The following OSGIN2 variants were observed in gnomAD, a reference collection of about 807,000 sequenced individuals.
OSGIN2 encodes the protein oxidative stress induced growth inhibitor family member 2.
A neutral mutation model predicts 53.8 loss-of-function variants in OSGIN2; 19 were observed. The observed-to-expected ratio is 0.35, with a 90% confidence interval of 0.25 to 0.52. OSGIN2 has a LOEUF of 0.52. Among genes scored for constraint, OSGIN2 ranks in the 20% least tolerant of loss-of-function variants. The pLI, the probability that OSGIN2 is intolerant of heterozygous loss-of-function variation, is 0.95. For synonymous variants in OSGIN2, 236 were observed against 236.0 expected (o/e 1.00, Z 0.00); for missense variants, 520 against 662.7 (o/e 0.78, Z 2.36).
chr8:89,914,529 ACT>A (rs1809037467), intron 3 of OSGIN2, 24 bp from the exon 4 acceptor site: 8 of 1,584,580 alleles, frequency 5.0e-6, no homozygotes, highest in Admixed American at 1.7e-5. Flanking sequence ...CTTTTTTCAA[ACT>A]CTGTCTCCCT....
intron 1 of OSGIN2, among the ~76,000 whole-genome samples, chr8:89,909,037 AAT>A (rs1252373741): frequency 6.5e-4 from 55 of 84,900 alleles, no homozygotes; most frequent in Non-Finnish European, 8.6e-4. Flanking sequence ...AAAAAAAAAA[AAT>A]ATATATATAT....
chr8:89,915,183 T>A lies in OSGIN2; in HGVS notation c.528+437T>A, dbSNP rs528195095. ...CGATAACAAAATGCCATAGAATTGATGGCTTAAACAACATATTTATTTCTC... is the reference window on the plus strand; with the variant it reads ...CGATAACAAAATGCCATAGAATTGAAGGCTTAAACAACATATTTATTTCTC... On this transcript the variant is annotated intron_variant, in intron 4 of 5. Coordinates refer to ENST00000451899, the MANE Select transcript of OSGIN2 (RefSeq NM_001126111.3). Among the ~76,000 whole-genome samples, 107 of 152,352 alleles carry A rather than the reference T, an allele frequency of 7.0e-4. 1 individual carries two copies. The highest frequency in any genetic ancestry group is 9.8e-4 in the Non-Finnish European group (67 of 68,034).
At chr8:89,921,031 G>A (rs1331408055) in intron 4 of OSGIN2, 49 bp from the exon 5 acceptor site, 8 of 1,117,682 alleles carry the variant, frequency 7.2e-6, no homozygotes, top group Non-Finnish European at 1.1e-5. Context: ...AAAAAACCAT[G>A]TTACTTCTTG....
chr8:89,925,719 G>C lies in OSGIN2; in HGVS notation c.*187G>C, dbSNP rs1022993548. On this transcript the variant is annotated 3_prime_UTR_variant, in exon 6 of 6. Transcript: ENST00000451899. ...ATTTATATTGCAGTGTTTCAAAGGT[G>C]TCACTGTCAGACAAATAGAAACACT... 5.9e-6 allele frequency: 3 copies of C among 506,670 alleles called. No individual in the cohort carries two copies. Among genetic ancestry groups the C allele is most frequent in the Non-Finnish European group, 1.0e-5 (3 of 286,416 alleles). 31.4% of individuals were successfully genotyped at this position (506,670 alleles called of 1,614,324 possible).
intron 1 of OSGIN2, among the ~76,000 whole-genome samples, chr8:89,904,490 A>G (rs915015140): frequency 6.6e-6 from 1 of 152,036 alleles, no homozygotes; most frequent in Non-Finnish European, 1.5e-5. Flanking sequence ...AATAAACCAC[A>G]CTTTTTATTG....
Position 89,925,490 on chromosome 8 carries a change from G to C in OSGIN2, c.1608G>C (p.Lys536Asn). The change falls in exon 6 of 6, where the codon AAG (lysine) becomes AAC (asparagine). Residue 536 changes from lysine to asparagine, a missense_variant. By Grantham distance (94) the Lys-to-Asn change is moderately conservative. Transcript: ENST00000451899. The stretch of plus-strand genomic sequence containing the variant: ...GTTTAGCTACAAGACAGAAGAAAAA[G>C]CATTTGTTTGTTGAAAGAGGAGGAG... ...TRCLATRQKK[K>N]HLFVERGGGD... is the part of the protein sequence containing the mutation. 6.2e-7 allele frequency: 1 copy of C among 1,613,998 alleles called. No homozygotes were observed. Among genetic ancestry groups the C allele is most frequent in the Non-Finnish European group, 8.5e-7 (1 of 1,179,904 alleles).
intron 1 of OSGIN2, among the ~76,000 whole-genome samples, chr8:89,908,260 T>TC (rs1281156133): frequency 6.6e-6 from 1 of 152,128 alleles, no homozygotes; most frequent in Non-Finnish European, 1.5e-5. Flanking sequence ...AGGAGGGGTT[T>TC]CCCTTAGTAG....
chr8:89,924,388 G>T, intron 5 of OSGIN2, 115 bp from the exon 6 acceptor site: 1 of 753,784 alleles, frequency 1.3e-6, no homozygotes, highest in Non-Finnish European at 2.2e-6. Context: ...ATAATGTATA[G>T]CTAAGACAGT....
In OSGIN2 at chr8:89,902,814, C is replaced by G; in HGVS notation, c.21C>G (p.Arg7=). 2 of 1,369,238 alleles carry G rather than the reference C, an allele frequency of 1.5e-6. No individual in the cohort carries two copies. The highest frequency in any genetic ancestry group is 1.8e-5 in the South Asian group (1 of 56,910). The allele number at this position is 1,369,238 out of a possible 1,614,324, so 84.8% of individuals were successfully genotyped here. A position where few individuals can be genotyped will look rare whatever the true frequency, so the allele number is the denominator to read the frequency against. Residue 7 remains arginine, a synonymous_variant, in exon 1 of 6, where the codon CGC becomes CGG. Coordinates refer to ENST00000451899, the MANE Select transcript of OSGIN2 (RefSeq NM_001126111.3). MPVWCC[R]CSLAGHFRNY... ...GCTCCATGCCCGTGTGGTGCTGCCGCTGCTCCCTGGCCGGTCATTTCAGGT... is the reference window on the plus strand; with the variant it reads ...GCTCCATGCCCGTGTGGTGCTGCCGGTGCTCCCTGGCCGGTCATTTCAGGT...
intron 1 of OSGIN2, 64 bp downstream of exon 1, chr8:89,902,901 C>G: frequency 8.3e-7 from 1 of 1,200,580 alleles, no homozygotes; most frequent in Non-Finnish European, 1.1e-6. Flanking sequence ...AGCTTTTTGG[C>G]CTGGCCCGGG....
At chr8:89,920,939 A>G (rs1809187334) in intron 4 of OSGIN2, 141 bp from the exon 5 acceptor site, 2 of 521,870 alleles carry the variant, frequency 3.8e-6, no homozygotes, top group Non-Finnish European at 6.8e-6. Flanking sequence ...AAGTTAGCCA[A>G]CCATTTAGGA....
chr8:89,909,631 A>G lies in OSGIN2; in HGVS notation c.109A>G (p.Asn37Asp), dbSNP rs1054744397. 4.3e-6 allele frequency: 7 copies of G among 1,610,782 alleles called. No homozygotes were observed. Among genetic ancestry groups the G allele is most frequent in the Non-Finnish European group, 5.9e-6 (7 of 1,177,724 alleles). ...FNSLVQYFGD[N>D]LGRKVKAMPL... is the part of the protein sequence containing the mutation. ...TTCCTTAGTGCAATACTTTGGTGAC[A>G]ACTTGGGGCGAAAAGTTAAAGCGAT... is the stretch of plus-strand genomic sequence containing the variant. The change falls in exon 2 of 6, where the codon AAC becomes GAC. Residue 37 changes from asparagine (N) to aspartate (D), a missense_variant. Physicochemically the swap from Asn to Asp is conservative, Grantham distance 23. Transcript: ENST00000451899.
intron 1 of OSGIN2, among the ~76,000 whole-genome samples, chr8:89,909,248 G>A: frequency 6.6e-6 from 1 of 151,582 alleles, no homozygotes; most frequent in South Asian, 2.1e-4. Flanking sequence ...CCATTTCTAG[G>A]CTAGTTTCAG....
At position 89,925,571 on chromosome 8, in the gene OSGIN2, T is replaced by A; in HGVS notation, c.*39T>A. 1 of 1,511,264 alleles carries A rather than the reference T, an allele frequency of 6.6e-7. No homozygotes were observed. The highest frequency in any genetic ancestry group is 9.0e-7 in the Non-Finnish European group (1 of 1,106,730). The allele number at this position is 1,511,264 out of a possible 1,614,324, so 93.6% of individuals were successfully genotyped here. Reference sequence around the variant, plus strand: ...GTAATTAAAATGGACAGTTTGCCATTAAAGATTTTTAATAGTGGTTTTGCA... The same window carrying A: ...GTAATTAAAATGGACAGTTTGCCATAAAAGATTTTTAATAGTGGTTTTGCA... On this transcript the variant is annotated 3_prime_UTR_variant, in exon 6 of 6. Coordinates refer to ENST00000451899, the MANE Select transcript of OSGIN2 (RefSeq NM_001126111.3).
At chr8:89,904,436 CAGAA>C (rs1246612111) in intron 1 of OSGIN2, among the ~76,000 whole-genome samples, 1 of 151,932 alleles carries the variant, frequency 6.6e-6, no homozygotes, top group Non-Finnish European at 1.5e-5. Flanking sequence ...TCTGGAGGGA[CAGAA>C]AGAAAAACAA....
chr8:89,912,154 CTAGGTTGGATTAAATTTTTGAA>C (rs1199158245), intron 2 of OSGIN2, among the ~76,000 whole-genome samples: 2 of 152,010 alleles, frequency 1.3e-5, no homozygotes, highest in Non-Finnish European at 2.9e-5. Flanking sequence ...TAGCAATTCT[CTAGGTTGGATTAAATTTTTGAA>C]AGGCAGATAT....
intron 4 of OSGIN2, among the ~76,000 whole-genome samples, chr8:89,917,773 TTC>T (rs1395086855): frequency 2.0e-5 from 3 of 152,244 alleles, no homozygotes; most frequent in Admixed American, 6.5e-5. Flanking sequence ...TTGATGCAAA[TTC>T]TTTTTTTTTA....
At chr8:89,913,911 T>C (rs1038998585) in intron 2 of OSGIN2, among the ~76,000 whole-genome samples, 166 bp from the exon 3 acceptor site, 2 of 151,918 alleles carry the variant, frequency 1.3e-5, no homozygotes, top group Non-Finnish European at 2.9e-5. Context: ...CAAAAGAAAA[T>C]AGGAGAGAAG....
chr8:89,905,635 A>G (rs1461407651), intron 1 of OSGIN2, among the ~76,000 whole-genome samples: 2 of 152,198 alleles, frequency 1.3e-5, no homozygotes, highest in East Asian at 3.8e-4. Context: ...TTAAACCACT[A>G]TCAAATAGGA....
Sources: allele counts gnomAD v4.1 joint callset (sites outside exome capture counted in the v4.1 genomes callset), GRCh38; gene constraint gnomAD v4.1.1; transcripts MANE v1.5; gene names NCBI Gene and HGNC (gene_info 2026-07-23, HGNC 2026-07-21).